STARD13: variants seen among roughly 807,000 people sequenced by gnomAD.
The protein encoded by STARD13 is StAR related lipid transfer domain containing 13.
In STARD13, 62 loss-of-function variants were observed where a neutral mutation model predicts 106.4. That is an observed-to-expected ratio of 0.58 (90% CI 0.48 to 0.72). The LOEUF is 0.72. Among genes scored for constraint, STARD13 ranks in the 30% least tolerant of loss-of-function variants. The pLI is 0.00. For missense variants in STARD13, 1,387 were observed against 1,424.0 expected (o/e 0.97, Z 0.42); for synonymous variants, 565 against 553.0 (o/e 1.02, Z -0.31).
the STARD13 span, among the ~76,000 whole-genome samples, chr13:33,609,652 C>T: frequency 4.6e-5 from 7 of 151,786 alleles, 1 homozygote; most frequent in East Asian, 1.4e-3. Flanking sequence ...CTGCAAGCTC[C>T]ACCTCCCGGG....
At position 33,350,294 on chromosome 13, in the gene STARD13, C is replaced by T. The variant is rs992350934; in HGVS notation, c.120G>A (p.Leu40=). Residue 40 remains leucine, a synonymous_variant, in exon 1 of 2, where the codon CTG becomes CTA. Coordinates refer to the STARD13 transcript ENST00000439831. ...CGGCGTCTCCGGGGCACTGACCTGC[C>T]AGCCGCCTCTCCCGGACGTTCTTCC... 5.9e-6 allele frequency: 9 copies of T among 1,531,328 alleles called. No individual in the cohort carries two copies. In the African/African-American group the frequency reaches 1.2e-4, roughly 21 times the overall value. 94.9% of individuals were successfully genotyped at this position (1,531,328 alleles called of 1,614,324 possible).
the STARD13 span, among the ~76,000 whole-genome samples, chr13:33,454,898 A>G: frequency 6.6e-6 from 1 of 152,322 alleles, no homozygotes; most frequent in Non-Finnish European, 1.5e-5. Flanking sequence ...TTTAATAAGG[A>G]AAATTGAGAA....
At chr13:33,607,945 T>G in the STARD13 span, among the ~76,000 whole-genome samples, 1 of 152,232 alleles carries the variant, frequency 6.6e-6, no homozygotes, top group African/African-American at 2.4e-5. Context: ...AGTCTCACTT[T>G]GTTACCCAGG....
At chr13:33,631,546 T>C in the STARD13 span, among the ~76,000 whole-genome samples, 1 of 152,366 alleles carries the variant, frequency 6.6e-6, no homozygotes, top group Admixed American at 6.5e-5. Context: ...TGCCTATACC[T>C]CATGGTACAA....
the STARD13 span, among the ~76,000 whole-genome samples, chr13:33,445,531 A>G: frequency 6.6e-6 from 1 of 152,186 alleles, no homozygotes; most frequent in African/African-American, 2.4e-5. Context: ...GGTGAATTAT[A>G]TCTCAAATAA....
the STARD13 span, among the ~76,000 whole-genome samples, chr13:33,649,608 G>A: frequency 0.1 from 15,222 of 152,118 alleles, 1,667 homozygotes; most frequent in African/African-American, 0.23. Context: ...TCACATGATA[G>A]GTTCAAAATA....
At chr13:33,628,174 CA>C in the STARD13 span, among the ~76,000 whole-genome samples, 3 of 151,480 alleles carry the variant, frequency 2.0e-5, no homozygotes, top group African/African-American at 7.3e-5. Context: ...CACACACACA[CA>C]CACACACACA....
the STARD13 span, among the ~76,000 whole-genome samples, chr13:33,457,760 A>G: frequency 4.8e-4 from 73 of 152,320 alleles, 1 homozygote; most frequent in South Asian, 0.011. Flanking sequence ...CTCTTTTACA[A>G]GAGTATTGAT....
the STARD13 span, among the ~76,000 whole-genome samples, chr13:33,360,251 C>T: frequency 6.6e-5 from 10 of 151,872 alleles, no homozygotes; most frequent in African/African-American, 2.2e-4. Flanking sequence ...GTCGCCCAGG[C>T]TGTAGTGCCA....
At chr13:33,480,749 T>A in the STARD13 span, among the ~76,000 whole-genome samples, 1 of 152,244 alleles carries the variant, frequency 6.6e-6, no homozygotes, top group African/African-American at 2.4e-5. Flanking sequence ...CAATGACTAG[T>A]GTAGTAGCAA....
chr13:33,290,052 A>G (rs1016217924), upstream of STARD13, among the ~76,000 whole-genome samples: 8 of 152,160 alleles, frequency 5.3e-5, no homozygotes, highest in African/African-American at 1.9e-4. Context: ...AACTTTTGGT[A>G]TTTGGAATTT....
chr13:33,487,945 G>A, the STARD13 span, among the ~76,000 whole-genome samples: 1 of 152,124 alleles, frequency 6.6e-6, no homozygotes, highest in African/African-American at 2.4e-5. Context: ...GAGCTCCAAA[G>A]GTCTGTTCTC....
At chr13:33,533,889 A>T in the STARD13 span, among the ~76,000 whole-genome samples, 35,530 of 152,104 alleles carry the variant, frequency 0.23, 6,637 homozygotes, top group African/African-American at 0.52. Context: ...CACAGCACAC[A>T]TCATCAGAAG....
At chr13:33,382,766 C>T in the STARD13 span, among the ~76,000 whole-genome samples, 15 of 152,086 alleles carry the variant, frequency 9.9e-5, no homozygotes, top group Non-Finnish European at 1.3e-4. Context: ...AACATGATTA[C>T]ATTGGTAACA....
At chr13:33,226,555 C>T (rs749697868) in intron 1 of STARD13, among the ~76,000 whole-genome samples, 6 of 151,322 alleles carry the variant, frequency 4.0e-5, no homozygotes, top group Non-Finnish European at 8.8e-5. Context: ...CTGCCTTGGC[C>T]TCCTGAGTAG....
At chr13:33,428,838 T>A in the STARD13 span, among the ~76,000 whole-genome samples, 2 of 152,108 alleles carry the variant, frequency 1.3e-5, no homozygotes, top group Admixed American at 6.6e-5. Flanking sequence ...AAAAATGGAA[T>A]AATCTGATCA....
At chr13:33,643,628 C>A in the STARD13 span, among the ~76,000 whole-genome samples, 1 of 152,238 alleles carries the variant, frequency 6.6e-6, no homozygotes, top group African/African-American at 2.4e-5. Flanking sequence ...TGTCGCACAC[C>A]CGGTTCAGTT....
At chr13:33,308,716 G>A (rs1344294222) in intron 1 of STARD13, among the ~76,000 whole-genome samples, 1 of 151,702 alleles carries the variant, frequency 6.6e-6, no homozygotes, top group African/African-American at 2.4e-5. Flanking sequence ...TAGAGACAAC[G>A]TTTCACCATG....
rs145987221 is a variant in STARD13 at position 33,159,318 on chromosome 13, C to G, written c.323+6019G>C. 1.3e-4 allele frequency among the ~76,000 whole-genome samples: 20 copies of G among 152,260 alleles called. No homozygotes were observed. The East Asian group carries it at 3.9e-3, about 29-fold the overall frequency. ...TTTCACATGAATTGTACTTGCTCAT[C>G]CCTATGATATGTCTGGAAGATGCTT... is the stretch of plus-strand genomic sequence containing the variant. On this transcript the variant is annotated intron_variant, in intron 3 of 13. Transcript: ENST00000336934.
Sources: allele counts gnomAD v4.1 joint callset (sites outside exome capture counted in the v4.1 genomes callset), GRCh38; gene constraint gnomAD v4.1.1; transcripts MANE v1.5; gene names NCBI Gene and HGNC (gene_info 2026-07-23, HGNC 2026-07-21).